ADHFE1: variants seen among roughly 807,000 people sequenced by gnomAD.
The protein encoded by ADHFE1 is alcohol dehydrogenase iron containing 1, also known as hydroxyacid-oxoacid transhydrogenase, mitochondrial.
Under a neutral mutation model 54.8 loss-of-function variants are expected in ADHFE1, and 37 were observed. The ratio of observed to expected loss-of-function variants is 0.68; its 90% CI spans 0.52 to 0.89. The LOEUF is 0.89. Among genes scored for constraint, ADHFE1 ranks in the 40% least tolerant of loss-of-function variants. The probability of loss-of-function intolerance (pLI) is 0.00; values close to 1 mark genes in which losing one functional copy is unlikely to be tolerated. For missense variants in ADHFE1, 601 were observed against 591.2 expected (o/e 1.02, Z -0.17); for synonymous variants, 203 against 229.3 (o/e 0.89, Z 1.04).
chr8:66,454,720 CT>C lies in ADHFE1; in HGVS notation c.986+574del, dbSNP rs747986103. On this transcript the variant is annotated intron_variant, in intron 10 of 13. Coordinates refer to ENST00000396623, the MANE Select transcript of ADHFE1 (RefSeq NM_144650.3). ...TTTACTTTTTTTCTTTTTCTTTTTTCTTTTTTTTTTTAAGATGGAGTCTCAC... is the reference window on the plus strand; with the variant it reads ...TTTACTTTTTTTCTTTTTCTTTTTTCTTTTTTTTTTAAGATGGAGTCTCAC... Among the ~76,000 whole-genome samples the C allele has an allele frequency of 8.0e-3, 1,168 of 146,290 alleles. 5 individuals carry two copies. The highest frequency in any genetic ancestry group is 0.01 in the Non-Finnish European group (692 of 66,086).
chr8:66,447,048 C>T (rs535894001), intron 6 of ADHFE1, among the ~76,000 whole-genome samples: 1 of 152,290 alleles, frequency 6.6e-6, no homozygotes, highest in Admixed American at 6.5e-5. Context: ...AACACAGACA[C>T]TGACATCCTC....
intron 13 of ADHFE1, among the ~76,000 whole-genome samples, chr8:66,463,882 G>T (rs1807033242): frequency 6.6e-6 from 1 of 152,210 alleles, no homozygotes; most frequent in South Asian, 2.1e-4. Flanking sequence ...GCCCATACTG[G>T]TGGCAGCTAA....
intron 1 of ADHFE1, among the ~76,000 whole-genome samples, chr8:66,436,586 AG>A (rs1243754036): frequency 3.3e-5 from 5 of 152,234 alleles, no homozygotes; most frequent in Non-Finnish European, 5.9e-5. Flanking sequence ...AGTCTCCCAT[AG>A]GGAAAATGTT....
intron 13 of ADHFE1, among the ~76,000 whole-genome samples, chr8:66,464,582 T>G (rs1174739208): frequency 6.6e-6 from 1 of 152,198 alleles, no homozygotes; most frequent in East Asian, 1.9e-4. Context: ...CTCTTAAAAA[T>G]CTGCTGGGAT....
chr8:66,455,724 A>G (rs1325598418), intron 10 of ADHFE1, among the ~76,000 whole-genome samples: 3 of 152,226 alleles, frequency 2.0e-5, no homozygotes, highest in Non-Finnish European at 4.4e-5. Flanking sequence ...GTTCAAGACC[A>G]ACCTGGACAA....
intron 13 of ADHFE1, among the ~76,000 whole-genome samples, chr8:66,464,347 T>G (rs1807059575): frequency 6.6e-6 from 1 of 152,216 alleles, no homozygotes; most frequent in Non-Finnish European, 1.5e-5. Flanking sequence ...AGCTCAGGCT[T>G]GGCTTCAAAT....
At chr8:66,452,285 G>A (rs1235978630) in intron 9 of ADHFE1, among the ~76,000 whole-genome samples, 180 bp downstream of exon 9, 2 of 152,220 alleles carry the variant, frequency 1.3e-5, no homozygotes, top group African/African-American at 4.8e-5. Context: ...ACAGGCAGAT[G>A]AAAACTGGGT....
chr8:66,442,930 T>A (rs1198184293), intron 3 of ADHFE1, 86 bp downstream of exon 3: 2 of 1,143,972 alleles, frequency 1.7e-6, no homozygotes, highest in Non-Finnish European at 2.5e-6. Context: ...TATTATTTTA[T>A]TTTAAATCTG....
chr8:66,453,722 C>A (rs758098397), intron 9 of ADHFE1: 17 of 1,373,802 alleles, frequency 1.2e-5, no homozygotes, highest in Non-Finnish European at 1.5e-5. Context: ...CCGTCAACAG[C>A]ACTGACAAAT....
Position 66,460,429 on chromosome 8 carries a change from T to C in ADHFE1, c.1284T>C (p.Ala428=). The change falls in exon 13 of 14, where the codon GCT becomes GCC. Residue 428 remains alanine (A), a synonymous_variant. Transcript: ENST00000396623. ...DGLAAVGYSK[A]DIPALVKGTL... ...TAGCAGCTGTTGGTTACTCCAAAGCTGATATCCCCGCACTAGTGAAAGGAA... is the reference window on the plus strand; with the variant it reads ...TAGCAGCTGTTGGTTACTCCAAAGCCGATATCCCCGCACTAGTGAAAGGAA... The C allele has an allele frequency of 6.2e-7, 1 of 1,608,136 alleles. No homozygotes were observed. Among genetic ancestry groups the C allele is most frequent in the Non-Finnish European group, 8.5e-7 (1 of 1,175,560 alleles).
chr8:66,433,635 T>G (rs1349724683), intron 1 of ADHFE1, among the ~76,000 whole-genome samples: 1 of 152,232 alleles, frequency 6.6e-6, no homozygotes, highest in Admixed American at 6.5e-5. Flanking sequence ...GTCCTTGTTC[T>G]TAGGCCTGTA....
chr8:66,468,143 C>T (rs996802279), intron 13 of ADHFE1, 126 bp from the exon 14 acceptor site: 8 of 637,854 alleles, frequency 1.3e-5, no homozygotes, highest in East Asian at 6.0e-5. Flanking sequence ...CAAGAAATAC[C>T]GTTTTTAAAG....
intron 1 of ADHFE1, among the ~76,000 whole-genome samples, chr8:66,433,824 C>T (rs1479353769): frequency 6.6e-6 from 1 of 152,226 alleles, no homozygotes; most frequent in Non-Finnish European, 1.5e-5. Flanking sequence ...ATTAGACATG[C>T]AGGGCTCCAA....
In ADHFE1 at chr8:66,452,071, C is replaced by T. The variant is rs1398455342; in HGVS notation, c.853C>T (p.His285Tyr). 2 of 1,614,092 alleles carry T rather than the reference C, an allele frequency of 1.2e-6. No individual in the cohort carries two copies. Among genetic ancestry groups the T allele is most frequent in the East Asian group, 4.5e-5 (2 of 44,898 alleles). The change falls in exon 9 of 14, where the codon CAC becomes TAC. Residue 285 changes from histidine (H) to tyrosine (Y), a missense_variant. Physicochemically the swap from His to Tyr is moderately conservative, Grantham distance 83. Coordinates refer to ENST00000396623, the MANE Select transcript of ADHFE1 (RefSeq NM_144650.3). ...SNPISDIWAI[H>Y]ALRIVAKYLK... ...CCCAATCAGTGACATTTGGGCTATCCACGCGCTGCGGATCGTGGCTAAGTA... is the reference window on the plus strand; with the variant it reads ...CCCAATCAGTGACATTTGGGCTATCTACGCGCTGCGGATCGTGGCTAAGTA...
Position 66,462,596 on chromosome 8 carries a change from C to T in ADHFE1, c.1320+2131C>T, listed in dbSNP as rs576790909. Among the ~76,000 whole-genome samples, 4 of 152,324 alleles carry T rather than the reference C, an allele frequency of 2.6e-5. No individual in the cohort carries two copies. In the South Asian group the frequency reaches 6.2e-4, roughly 24 times the overall value. The stretch of plus-strand genomic sequence containing the variant: ...AGCTTCTGGCTTTATGGCATGGTCC[C>T]AGTGACACTGTCCACCCTGCAAGGG... On this transcript the variant is annotated intron_variant, in intron 13 of 13. Transcript: ENST00000396623.
chr8:66,448,706 ACT>A (rs1209961739), intron 7 of ADHFE1, among the ~76,000 whole-genome samples, 157 bp from the exon 8 acceptor site: 2 of 152,188 alleles, frequency 1.3e-5, no homozygotes, highest in Non-Finnish European at 2.9e-5. Context: ...CAGGTTTCTG[ACT>A]CTAAATCACT....
Position 66,444,585 on chromosome 8 carries a change from T to C in ADHFE1, c.199-9T>C. 1 of 1,613,950 alleles carries C rather than the reference T, an allele frequency of 6.2e-7. No individual in the cohort carries two copies. On this transcript the variant is annotated splice_polypyrimidine_tract_variant and intron_variant, in intron 4 of 13. Coordinates refer to ENST00000396623, the MANE Select transcript of ADHFE1 (RefSeq NM_144650.3). ...TGGAGTTGAACCTAACTTATAGGTT[T>C]TCTTGTAGGACCTAAAAAACATGGG...
chr8:66,468,222 A>T, intron 13 of ADHFE1, 47 bp from the exon 14 acceptor site: 3 of 1,449,520 alleles, frequency 2.1e-6, no homozygotes, highest in Non-Finnish European at 2.9e-6. Flanking sequence ...GCTTTTACAA[A>T]CTGCCTTTTC....
At chr8:66,467,462 G>A (rs187653165) in intron 13 of ADHFE1, among the ~76,000 whole-genome samples, 74 of 152,224 alleles carry the variant, frequency 4.9e-4, no homozygotes, top group African/African-American at 1.5e-3. Context: ...AAAGCCCTCT[G>A]GTAGGCGCAG....
Sources: allele counts gnomAD v4.1 joint callset (sites outside exome capture counted in the v4.1 genomes callset), GRCh38; gene constraint gnomAD v4.1.1; transcripts MANE v1.5; gene names NCBI Gene and HGNC (gene_info 2026-07-23, HGNC 2026-07-21).